Variants in SLC36A1 observed in about 807,000 individuals in gnomAD.
SLC36A1 encodes the protein proton-coupled amino acid transporter 1.
A neutral mutation model predicts 47.5 loss-of-function variants in SLC36A1; 30 were observed. That is an observed-to-expected ratio of 0.63 (90% CI 0.47 to 0.86). The LOEUF is 0.86. Among genes scored for constraint, SLC36A1 ranks in the 40% least tolerant of loss-of-function variants. The pLI, the probability that SLC36A1 is intolerant of heterozygous loss-of-function variation, is 0.00. For synonymous variants in SLC36A1, 255 were observed against 249.7 expected (o/e 1.02, Z -0.20); for missense variants, 517 against 606.0 (o/e 0.85, Z 1.54).
chr5:151,458,353 A>ATG (rs1754991081), intron 1 of SLC36A1, among the ~76,000 whole-genome samples: 1 of 107,564 alleles, frequency 9.3e-6, no homozygotes, highest in African/African-American at 3.9e-5. Flanking sequence ...ATATATATAT[A>ATG]TATACACACA....
the SLC36A1 span, among the ~76,000 whole-genome samples, chr5:151,424,667 G>T: frequency 2.0e-5 from 3 of 151,990 alleles, no homozygotes; most frequent in Non-Finnish European, 4.4e-5. Context: ...GAATAAATGA[G>T]ATGAGAATAA....
At chr5:151,367,374 T>TTTTTTTTTTTTTTTTTTTTC in the SLC36A1 span, among the ~76,000 whole-genome samples, 307 of 145,460 alleles carry the variant, frequency 2.1e-3, 4 homozygotes, top group Non-Finnish European at 3.8e-3. Flanking sequence ...TTTTTTTTTT[T>TTTTTTTTTTTTTTTTTTTTC]CCCCAGGGTA....
the SLC36A1 span, among the ~76,000 whole-genome samples, chr5:151,367,557 T>A: frequency 2.0e-5 from 3 of 152,092 alleles, no homozygotes; most frequent in Non-Finnish European, 4.4e-5. Context: ...ATTATTCTGT[T>A]CTTTTTCAAG....
the SLC36A1 span, among the ~76,000 whole-genome samples, chr5:151,351,969 C>G: frequency 1.3e-5 from 2 of 152,226 alleles, no homozygotes; most frequent in African/African-American, 2.4e-5. Flanking sequence ...GCTGCTGCCT[C>G]TCTCCCAACT....
chr5:151,453,771 C>A (rs181118531), intron 1 of SLC36A1, among the ~76,000 whole-genome samples: 1 of 151,084 alleles, frequency 6.6e-6, no homozygotes. Flanking sequence ...AATTTCTGGC[C>A]TTGCCTTAAA....
chr5:151,403,792 G>C, the SLC36A1 span, among the ~76,000 whole-genome samples: 1 of 152,140 alleles, frequency 6.6e-6, no homozygotes, highest in Non-Finnish European at 1.5e-5. Context: ...AGTATGCTTG[G>C]TATAATTTCT....
At chr5:151,511,966 G>T in the SLC36A1 span, 3 of 594,808 alleles carry the variant, frequency 5.0e-6, no homozygotes, top group Non-Finnish European at 9.0e-6. Context: ...TAGAAAGATA[G>T]TTTTTGTTGA....
At chr5:151,460,405 T>G (rs1755340201) in intron 2 of SLC36A1, among the ~76,000 whole-genome samples, 1 of 152,252 alleles carries the variant, frequency 6.6e-6, no homozygotes, top group East Asian at 1.9e-4. Flanking sequence ...TCATAGGTTT[T>G]GGACAAAATT....
At chr5:151,415,825 G>A in the SLC36A1 span, among the ~76,000 whole-genome samples, 1 of 152,106 alleles carries the variant, frequency 6.6e-6, no homozygotes, top group Non-Finnish European at 1.5e-5. Flanking sequence ...ACAGAGTCAG[G>A]CTGGGCACAG....
the SLC36A1 span, chr5:151,509,901 C>T: frequency 2.5e-6 from 3 of 1,198,612 alleles, no homozygotes; most frequent in Non-Finnish European, 2.4e-6. Flanking sequence ...ATGGAAAAGG[C>T]CTAGAAGCCA....
chr5:151,424,497 T>C, the SLC36A1 span, among the ~76,000 whole-genome samples: 1 of 152,194 alleles, frequency 6.6e-6, no homozygotes, highest in Non-Finnish European at 1.5e-5. Context: ...TCTAGAGACA[T>C]GTATAACCTT....
intron 2 of SLC36A1, among the ~76,000 whole-genome samples, chr5:151,459,245 C>A (rs1581106699): frequency 6.6e-6 from 1 of 152,162 alleles, no homozygotes; most frequent in Admixed American, 6.5e-5. Flanking sequence ...TGCTAGAACC[C>A]CAAATAATTT....
the SLC36A1 span, among the ~76,000 whole-genome samples, chr5:151,420,774 G>A: frequency 7.2e-5 from 11 of 152,082 alleles, no homozygotes; most frequent in Admixed American, 6.6e-4. Context: ...AGTTTGGAGT[G>A]ATTAAGTCCA....
At chr5:151,423,757 C>T in the SLC36A1 span, among the ~76,000 whole-genome samples, 4 of 152,142 alleles carry the variant, frequency 2.6e-5, no homozygotes, top group South Asian at 8.3e-4. Context: ...TGTGCAACAC[C>T]AAAAGTGAAC....
chr5:151,371,680 T>A, the SLC36A1 span, among the ~76,000 whole-genome samples: 7 of 152,252 alleles, frequency 4.6e-5, no homozygotes. Context: ...AAAGGATGTG[T>A]AACAAGGCTA....
At chr5:151,425,761 G>A in the SLC36A1 span, among the ~76,000 whole-genome samples, 1 of 152,076 alleles carries the variant, frequency 6.6e-6, no homozygotes, top group African/African-American at 2.4e-5. Context: ...GGACTATAAG[G>A]CCTAGTTATT....
At chr5:151,442,714 A>G (rs1024692180), upstream of SLC36A1, among the ~76,000 whole-genome samples, 1 of 151,938 alleles carries the variant, frequency 6.6e-6, no homozygotes, top group Non-Finnish European at 1.5e-5. Flanking sequence ...TATAGTCCTT[A>G]TGTTGTCCCT....
the SLC36A1 span, among the ~76,000 whole-genome samples, chr5:151,387,812 T>TA: frequency 6.6e-6 from 1 of 152,170 alleles, no homozygotes; most frequent in Non-Finnish European, 1.5e-5. Context: ...ACTAAACTCT[T>TA]ACCTTTTTTC....
chr5:151,497,834 C>T, the SLC36A1 span, among the ~76,000 whole-genome samples: 73 of 152,262 alleles, frequency 4.8e-4, no homozygotes, highest in Middle Eastern at 3.4e-3. Flanking sequence ...GCCAAATATC[C>T]CCTTGGCTGG....
Sources: gnomAD v4.1 joint callset for allele counts (sites outside exome capture counted in the v4.1 genomes callset) on GRCh38, gnomAD v4.1.1 for gene constraint, MANE v1.5 for transcripts, NCBI Gene and HGNC (gene_info 2026-07-23, HGNC 2026-07-21) for gene names.